PRSS3: variants seen among roughly 807,000 people sequenced by gnomAD.
The protein encoded by PRSS3 is serine protease 3, also known as trypsin-3.
PRSS3 carries 14 observed loss-of-function variants against 20.8 expected under a neutral mutation model. That is an observed-to-expected ratio of 0.67 (90% CI 0.44 to 1.05). The LOEUF is 1.05. PRSS3 is among the 50% of genes least tolerant of loss of function. PRSS3 has a pLI of 0.00. For missense variants in PRSS3, 237 were observed against 306.4 expected (o/e 0.77, Z 1.69); for synonymous variants, 91 against 117.6 (o/e 0.77, Z 1.46).
chr9:33,786,760 A>G, intron 1 of PRSS3: 2 of 766,136 alleles, frequency 2.6e-6, no homozygotes, highest in Admixed American at 3.4e-5. Context: ...CAAACCTAAC[A>G]TTCTCAACTC....
chr9:33,794,450 TG>T (rs1824802103), upstream of PRSS3, among the ~76,000 whole-genome samples: 1 of 152,198 alleles, frequency 6.6e-6, no homozygotes, highest in Non-Finnish European at 1.5e-5. Flanking sequence ...TTAGTAGCCT[TG>T]GTAGGGCCCA....
intron 1 of PRSS3, among the ~76,000 whole-genome samples, chr9:33,780,112 C>A (rs1004327559): frequency 6.6e-6 from 1 of 151,750 alleles, no homozygotes; most frequent in Non-Finnish European, 1.5e-5. Context: ...GACACATAGT[C>A]GTCAGATTCA....
chr9:33,789,909 C>T (rs1824558996), intron 1 of PRSS3, among the ~76,000 whole-genome samples: 1 of 152,046 alleles, frequency 6.6e-6, no homozygotes, highest in South Asian at 2.1e-4. Flanking sequence ...TTTCTCCATG[C>T]CTTAATTTCT....
upstream of PRSS3, among the ~76,000 whole-genome samples, chr9:33,793,378 T>A (rs543837788): frequency 1.3e-5 from 2 of 152,304 alleles, no homozygotes; most frequent in African/African-American, 4.8e-5. Flanking sequence ...TGAAACAACA[T>A]GTTTAGGGGC....
intron 3 of PRSS3, 51 bp downstream of exon 3, chr9:33,798,133 G>T: frequency 6.3e-7 from 1 of 1,581,490 alleles, no homozygotes; most frequent in East Asian, 2.2e-5. Context: ...ACAATTTCCA[G>T]AACGAAGCAT....
rs748187894 is a variant in PRSS3, at chr9:33,797,842, A to G, written c.214A>G (p.Arg72Gly). The change falls in exon 3 of 5, where the codon AGA becomes GGA. Residue 72 changes from arginine to glycine, a missense_variant. Coordinates refer to ENST00000379405, the MANE Select transcript of PRSS3 (RefSeq NM_002771.4). ...CCTGCCCATCAGCCGCATCCAGGTG[A>G]GACTGGGAGAGCACAACATCAAAGT... is the stretch of plus-strand genomic sequence containing the variant. ...AHCYKTRIQV[R>G]LGEHNIKVLE... The G allele has an allele frequency of 2.5e-6, 4 of 1,614,122 alleles. No individual in the cohort carries two copies. The African/African-American group carries it at 5.3e-5, about 22-fold the overall frequency.
At chr9:33,785,367 C>T (rs917403517) in intron 1 of PRSS3, among the ~76,000 whole-genome samples, 6 of 150,594 alleles carry the variant, frequency 4.0e-5, no homozygotes, top group East Asian at 1.9e-4. Context: ...TTAGTAGAGA[C>T]GGGGTTTCAC....
At chr9:33,758,842 G>A (rs945528651) in intron 1 of PRSS3, among the ~76,000 whole-genome samples, 1 of 152,208 alleles carries the variant, frequency 6.6e-6, no homozygotes, top group Non-Finnish European at 1.5e-5. Context: ...GTTCAGTTCA[G>A]TTTAAGAACT....
At chr9:33,766,585 AAGT>A (rs1823440256) in intron 1 of PRSS3, among the ~76,000 whole-genome samples, 1 of 152,096 alleles carries the variant, frequency 6.6e-6, no homozygotes, top group Non-Finnish European at 1.5e-5. Context: ...ATAAATAAAT[AAGT>A]AAATAAATAA....
upstream of PRSS3, among the ~76,000 whole-genome samples, chr9:33,791,595 T>A (rs1414102300): frequency 1.3e-5 from 2 of 152,226 alleles, no homozygotes; most frequent in African/African-American, 4.8e-5. Context: ...GTTACAATCA[T>A]AAGAATCTAT....
chr9:33,763,568 G>A (rs1180246662), intron 1 of PRSS3, among the ~76,000 whole-genome samples: 11 of 151,952 alleles, frequency 7.2e-5, no homozygotes, highest in African/African-American at 2.2e-4. Context: ...GCGTGGTGGC[G>A]GGCACCTGTA....
chr9:33,796,173 A>T (rs902151307), intron 1 of PRSS3, among the ~76,000 whole-genome samples: 13 of 152,114 alleles, frequency 8.5e-5, no homozygotes, highest in Non-Finnish European at 1.8e-4. Flanking sequence ...GCTGCCCTCA[A>T]CTCTGCCCTC....
intron 1 of PRSS3, among the ~76,000 whole-genome samples, chr9:33,767,268 C>T (rs116945623): frequency 0.04 from 5,721 of 143,490 alleles, 150 homozygotes; most frequent in Non-Finnish European, 0.056. Context: ...CAGCCTGGCC[C>T]GACAGAGGGA....
intron 1 of PRSS3, among the ~76,000 whole-genome samples, chr9:33,766,094 A>G (rs535672075): frequency 6.6e-6 from 1 of 151,500 alleles, no homozygotes; most frequent in East Asian, 1.9e-4. Context: ...GTGAAACCCC[A>G]TCTCTACTAT....
intron 1 of PRSS3, among the ~76,000 whole-genome samples, chr9:33,777,929 C>T (rs1824013012): frequency 6.6e-6 from 1 of 151,554 alleles, no homozygotes; most frequent in Admixed American, 6.6e-5. Flanking sequence ...CCAGAATAGC[C>T]CTGAAAATAT....
chr9:33,781,708 C>T (rs1323947010), intron 1 of PRSS3, among the ~76,000 whole-genome samples: 1 of 152,196 alleles, frequency 6.6e-6, no homozygotes. Context: ...ATTTTATCTA[C>T]AGTAATTAAA....
In PRSS3 at chr9:33,780,483, A is replaced by G. The variant is rs562627201; in HGVS notation, c.-52-14263A>G. ...AGCACATAGCCCACAGGCACTATAA[A>G]TCAACTATGCTGTCAAGTCTACATA... On this transcript the variant is annotated intron_variant, in intron 1 of 5. Transcript: ENST00000342836. Among the ~76,000 whole-genome samples the G allele has an allele frequency of 1.4e-3, 219 of 152,186 alleles. 1 individual carries two copies. Among genetic ancestry groups the G allele is most frequent in the Non-Finnish European group, 2.0e-3 (137 of 68,034 alleles).
intron 1 of PRSS3, among the ~76,000 whole-genome samples, chr9:33,752,282 T>TC (rs1367541034): frequency 6.6e-6 from 1 of 152,014 alleles, no homozygotes; most frequent in Non-Finnish European, 1.5e-5. Flanking sequence ...GTTTCTCATC[T>TC]CCCCCCTACC....
At chr9:33,760,291 G>A (rs1823134465) in intron 1 of PRSS3, among the ~76,000 whole-genome samples, 1 of 151,588 alleles carries the variant, frequency 6.6e-6, no homozygotes, top group African/African-American at 2.4e-5. Flanking sequence ...CTTCTTTGTA[G>A]GTAATAGCCA....
Sources: gnomAD v4.1 joint callset for allele counts (sites outside exome capture counted in the v4.1 genomes callset) on GRCh38, gnomAD v4.1.1 for gene constraint, MANE v1.5 for transcripts, NCBI Gene and HGNC (gene_info 2026-07-23, HGNC 2026-07-21) for gene names.